The following SCUBE1 variants were observed in gnomAD, a reference collection of about 807,000 sequenced individuals.
The protein encoded by SCUBE1 is signal peptide, CUB and EGF-like domain-containing protein 1.
A neutral mutation model predicts 124.4 loss-of-function variants in SCUBE1; 59 were observed. The ratio of observed to expected loss-of-function variants is 0.47; its 90% CI spans 0.38 to 0.59. The LOEUF (loss-of-function observed/expected upper bound fraction) is 0.59. SCUBE1 is among the 20% of genes least tolerant of loss of function. The pLI, the probability that SCUBE1 is intolerant of heterozygous loss-of-function variation, is 0.00. For missense variants in SCUBE1, 1,150 were observed against 1,371.2 expected (o/e 0.84, Z 2.55); for synonymous variants, 545 against 550.9 (o/e 0.99, Z 0.15).
At chr22:43,221,131 C>T (rs772291896) in intron 13 of SCUBE1, 42 bp downstream of exon 13, 72 of 1,513,380 alleles carry the variant, frequency 4.8e-5, no homozygotes, top group Non-Finnish European at 6.0e-5. Context: ...GACTCTCCTA[C>T]AGCCCCGTTG....
chr22:43,218,374 C>G lies in SCUBE1; in HGVS notation c.1772G>C (p.Arg591Pro), dbSNP rs200206862. 9 of 1,613,482 alleles carry G rather than the reference C, an allele frequency of 5.6e-6. No individual in the cohort carries two copies. The East Asian group carries it at 1.8e-4, about 32-fold the overall frequency. The change falls in exon 15 of 22, where the codon CGG becomes CCG. Residue 591 changes from arginine (R) to proline (P), a missense_variant. Around this residue, in one of 3 missense-constraint regions of SCUBE1, gnomAD observed 757 missense variants for 840.9 expected, o/e 0.90. Coordinates refer to ENST00000360835, the MANE Select transcript of SCUBE1 (RefSeq NM_173050.5). ...AIKTLRKSIG[R>P]QQFYVQVSGT... ...TGAGACCTGGACATAGAACTGCTGC[C>G]GGCCGATGGACTTGCGCAGGGTCTT...
chr22:43,338,635 C>T (rs1927163562), intron 2 of SCUBE1, among the ~76,000 whole-genome samples: 1 of 152,102 alleles, frequency 6.6e-6, no homozygotes, highest in African/African-American at 2.4e-5. Flanking sequence ...AAGTGATTCT[C>T]CTGCCTCAGC....
intron 2 of SCUBE1, among the ~76,000 whole-genome samples, chr22:43,322,049 A>C (rs1926573271): frequency 6.6e-6 from 1 of 151,492 alleles, no homozygotes; most frequent in Non-Finnish European, 1.5e-5. Flanking sequence ...CAATGGCGCG[A>C]TCTCAGCTCA....
chr22:43,240,819 A>G (rs563212848), intron 6 of SCUBE1, among the ~76,000 whole-genome samples: 42 of 152,084 alleles, frequency 2.8e-4, no homozygotes, highest in African/African-American at 9.6e-4. Flanking sequence ...CCAGGAGCCA[A>G]TGTGCTCCCC....
chr22:43,212,626 G>A, intron 16 of SCUBE1, 34 bp from the exon 17 acceptor site: 1 of 1,549,556 alleles, frequency 6.5e-7, no homozygotes, highest in Non-Finnish European at 8.7e-7. Context: ...AGGCGGGCAG[G>A]AGGGCACCGC....
chr22:43,256,040 G>A (rs867363850), intron 6 of SCUBE1, among the ~76,000 whole-genome samples: 18 of 152,300 alleles, frequency 1.2e-4, no homozygotes, highest in Middle Eastern at 3.4e-3. Context: ...CACAAGGTCC[G>A]GTGATGGATG....
In SCUBE1 at chr22:43,244,858, C is replaced by T. The variant is rs566241649; in HGVS notation, c.728-5904G>A. On this transcript the variant is annotated intron_variant, in intron 6 of 21. Transcript: ENST00000360835. The stretch of plus-strand genomic sequence containing the variant: ...CCTCCCTGCCCCTCAGTGGCCTACC[C>T]TGATGATGGGGGCAGCCCGGGGTCC... Among the ~76,000 whole-genome samples the T allele has an allele frequency of 5.9e-5, 9 of 152,394 alleles. No homozygotes were observed. The South Asian group carries it at 1.9e-3, about 32-fold the overall frequency.
intron 4 of SCUBE1, among the ~76,000 whole-genome samples, chr22:43,272,939 A>G (rs1469072140): frequency 6.6e-6 from 1 of 152,206 alleles, no homozygotes; most frequent in South Asian, 2.1e-4. Context: ...CTGTCAGTGC[A>G]GAGTTCACAT....
At position 43,212,481 on chromosome 22, in the gene SCUBE1, C is replaced by T. The variant is rs754810911; in HGVS notation, c.2165G>A (p.Gly722Glu). The T allele has an allele frequency of 7.7e-6, 12 of 1,554,340 alleles. No homozygotes were observed. The highest frequency in any genetic ancestry group is 5.9e-5 in the South Asian group (5 of 84,224). The stretch of plus-strand genomic sequence containing the variant: ...GCCTTCGTGTTTGGTGAGCAAACCC[C>T]CTCCACAGGGGAAGCAGCCGGTGCG... ...PGRTGCFPCG[G>E]GLLTKHEGTT... The change falls in exon 17 of 22, where the codon GGG (glycine) becomes GAG (glutamate). Residue 722 changes from glycine to glutamate, a missense_variant. This residue lies in a region of SCUBE1 where 757 missense variants were observed against 840.9 expected (regional missense o/e 0.90). Transcript: ENST00000360835.
intron 4 of SCUBE1, among the ~76,000 whole-genome samples, chr22:43,274,874 T>C (rs576646277): frequency 3.3e-5 from 5 of 152,306 alleles, no homozygotes; most frequent in Non-Finnish European, 7.4e-5. Flanking sequence ...CAGCGGGTAC[T>C]TCTCATGGCC....
chr22:43,258,358 C>T lies in SCUBE1; in HGVS notation c.611-23G>A. 2 of 1,528,210 alleles carry T rather than the reference C, an allele frequency of 1.3e-6. No individual in the cohort carries two copies. The highest frequency in any genetic ancestry group is 1.4e-5 in the African/African-American group (1 of 73,270). The allele number at this position is 1,528,210 out of a possible 1,614,324, so 94.7% of individuals were successfully genotyped here. A position where few individuals can be genotyped will look rare whatever the true frequency, so the allele number is the denominator to read the frequency against. On this transcript the variant is annotated intron_variant, in intron 5 of 21. Transcript: ENST00000360835. The surrounding 1 kb of genome is among the most constrained non-coding windows in gnomAD (Gnocchi z 5.0). ...TTACTAGTTAGGCCCAAAGTGTACA[C>T]ACGGGTGTATAAACAGAACAACAAA...
intron 3 of SCUBE1, among the ~76,000 whole-genome samples, chr22:43,301,882 C>T (rs1925785243): frequency 6.6e-6 from 1 of 152,186 alleles, no homozygotes; most frequent in Admixed American, 6.5e-5. Flanking sequence ...ATCCACAGGC[C>T]CTGGCTAAAG....
intron 15 of SCUBE1, among the ~76,000 whole-genome samples, chr22:43,215,046 G>C (rs1438705350): frequency 1.3e-5 from 2 of 152,198 alleles, no homozygotes; most frequent in Non-Finnish European, 2.9e-5. Flanking sequence ...AGTTCTGTCC[G>C]ATGAGAGGGC....
intron 19 of SCUBE1, among the ~76,000 whole-genome samples, chr22:43,209,372 C>G (rs1236439236): frequency 1.3e-5 from 2 of 152,216 alleles, no homozygotes; most frequent in African/African-American, 4.8e-5. Context: ...GTGCCCTGGA[C>G]AGGTGCGCTG....
At chr22:43,254,635 C>T (rs1429103951) in intron 6 of SCUBE1, among the ~76,000 whole-genome samples, 6 of 152,192 alleles carry the variant, frequency 3.9e-5, no homozygotes, top group African/African-American at 7.2e-5. Flanking sequence ...ATGGAGACCG[C>T]GCTACCTGAC....
intron 21 of SCUBE1, 149 bp downstream of exon 21, chr22:43,207,385 T>C: frequency 1.5e-6 from 1 of 669,520 alleles, no homozygotes; most frequent in Non-Finnish European, 2.7e-6. Flanking sequence ...CCATTAGGGC[T>C]CTGGGACCCC....
intron 7 of SCUBE1, among the ~76,000 whole-genome samples, chr22:43,235,113 C>G (rs1024492399): frequency 6.6e-6 from 1 of 152,284 alleles, no homozygotes; most frequent in Middle Eastern, 3.4e-3. Flanking sequence ...CCCCAGGGCC[C>G]AGCGTGAGTG....
At chr22:43,288,643 C>T (rs1292357594) in intron 4 of SCUBE1, among the ~76,000 whole-genome samples, 4 of 152,254 alleles carry the variant, frequency 2.6e-5, no homozygotes, top group East Asian at 1.9e-4. Context: ...GCTCCAGCAC[C>T]GTCTGCTGCA....
chr22:43,338,108 C>A (rs1041385312), intron 2 of SCUBE1, among the ~76,000 whole-genome samples: 1 of 152,170 alleles, frequency 6.6e-6, no homozygotes, highest in Non-Finnish European at 1.5e-5. Context: ...CTATTTCCAG[C>A]CCCCAGATGC....
Sources: allele counts gnomAD v4.1 joint callset (sites outside exome capture counted in the v4.1 genomes callset), GRCh38; gene constraint gnomAD v4.1.1; regional missense constraint gnomAD v4.1.1; non-coding constraint Gnocchi (gnomAD v3.1); transcripts MANE v1.5; gene names NCBI Gene and HGNC (gene_info 2026-07-23, HGNC 2026-07-21).